Variants in KCNIP1 observed in about 807,000 individuals in gnomAD.
KCNIP1 encodes potassium voltage-gated channel interacting protein 1, also known as A-type potassium channel modulatory protein KCNIP1.
In KCNIP1, 18 loss-of-function variants were observed where a neutral mutation model predicts 33.0. The observed-to-expected ratio is 0.55, with a 90% CI of 0.38 to 0.81. The LOEUF (loss-of-function observed/expected upper bound fraction) is 0.81. Among genes scored for constraint, KCNIP1 ranks in the 30% least tolerant of loss-of-function variants. The pLI is 0.00. For synonymous variants in KCNIP1, 93 were observed against 98.3 expected (o/e 0.95, Z 0.32); for missense variants, 238 against 271.6 (o/e 0.88, Z 0.87).
intron 1 of KCNIP1, among the ~76,000 whole-genome samples, chr5:170,607,661 C>G (rs1159204714): frequency 6.6e-6 from 1 of 152,236 alleles, no homozygotes; most frequent in East Asian, 1.9e-4. Flanking sequence ...CCTGCCTCCT[C>G]AGTGGCTGTT....
intron 1 of KCNIP1, chr5:170,420,540 A>AT (rs1186113051): frequency 2.0e-5 from 3 of 151,880 alleles, no homozygotes; most frequent in African/African-American, 4.8e-5. Context: ...ACTCAAAAAA[A>AT]AAAAAAATAA....
intron 1 of KCNIP1, chr5:170,680,861 A>G (rs1430352954): frequency 2.6e-6 from 1 of 385,768 alleles, no homozygotes; most frequent in Non-Finnish European, 4.6e-6. Context: ...AAATATTACT[A>G]TGAAACATAG....
chr5:170,420,146 G>A (rs1013146935), intron 1 of KCNIP1, among the ~76,000 whole-genome samples: 2 of 152,108 alleles, frequency 1.3e-5, no homozygotes, highest in African/African-American at 4.8e-5. Flanking sequence ...ACCCAATACA[G>A]TTGAGGCTTG....
At chr5:170,363,553 T>C (rs1249999043) in intron 1 of KCNIP1, among the ~76,000 whole-genome samples, 1 of 152,316 alleles carries the variant, frequency 6.6e-6, no homozygotes, top group Non-Finnish European at 1.5e-5. Context: ...ACCTTAATCT[T>C]GGACTTTCAG....
At chr5:170,377,417 G>C (rs1764049311) in intron 1 of KCNIP1, 1 of 152,164 alleles carries the variant, frequency 6.6e-6, no homozygotes, top group African/African-American at 2.4e-5. Context: ...CCTGGAGTGG[G>C]AATGGTAAAG....
chr5:170,690,871 A>C (rs1251729775), intron 1 of KCNIP1, among the ~76,000 whole-genome samples: 1 of 152,252 alleles, frequency 6.6e-6, no homozygotes, highest in Non-Finnish European at 1.5e-5. Context: ...GATTGCTTTC[A>C]TCTGTTTTAC....
At chr5:170,479,428 C>G (rs529358527) in intron 1 of KCNIP1, among the ~76,000 whole-genome samples, 31 of 152,172 alleles carry the variant, frequency 2.0e-4, no homozygotes, top group Non-Finnish European at 4.4e-4. Context: ...AAAATTCACT[C>G]TTCTTACAAG....
chr5:170,449,587 A>C (rs931125221), intron 1 of KCNIP1, among the ~76,000 whole-genome samples: 1 of 152,182 alleles, frequency 6.6e-6, no homozygotes, highest in African/African-American at 2.4e-5. Context: ...CCTCACCTAT[A>C]ACCTAGGGCT....
Position 170,479,456 on chromosome 5 carries a change from A to T in KCNIP1, c.88+125492A>T, listed in dbSNP as rs184266516. 5.3e-5 allele frequency among the ~76,000 whole-genome samples: 8 copies of T among 152,352 alleles called. No homozygotes were observed. The East Asian group carries it at 1.2e-3, about 22-fold the overall frequency. On this transcript the variant is annotated intron_variant, in intron 1 of 7. Coordinates refer to the KCNIP1 transcript ENST00000377360. ...CTTACAAGGATAGAGAAAAGTGCCT[A>T]TCGATGCTTAATAACCCAACATATA...
intron 1 of KCNIP1, among the ~76,000 whole-genome samples, chr5:170,577,268 C>T (rs1027864360): frequency 1.3e-5 from 2 of 152,212 alleles, no homozygotes; most frequent in Non-Finnish European, 2.9e-5. Flanking sequence ...AATCTGTCCT[C>T]TCGGTTCTGA....
intron 1 of KCNIP1, among the ~76,000 whole-genome samples, chr5:170,547,394 G>C (rs913827340): frequency 1.3e-5 from 2 of 152,082 alleles, no homozygotes; most frequent in Non-Finnish European, 2.9e-5. Flanking sequence ...TTTAAGTTTA[G>C]GGGTACATGT....
intron 1 of KCNIP1, among the ~76,000 whole-genome samples, chr5:170,563,877 A>G (rs1187985571): frequency 6.6e-6 from 1 of 152,170 alleles, no homozygotes; most frequent in East Asian, 1.9e-4. Flanking sequence ...TGACCTTGTG[A>G]TCAGCCCGCC....
intron 1 of KCNIP1, among the ~76,000 whole-genome samples, chr5:170,688,417 T>A (rs1762613326): frequency 6.6e-6 from 1 of 152,228 alleles, no homozygotes; most frequent in Admixed American, 6.5e-5. Context: ...TATATCAATC[T>A]CCATTCCACT....
rs3841539 is a variant in KCNIP1 at position 170,734,198 on chromosome 5, T to TC, written c.603+300_603+301insC. ...CCGAGAGGGCAACACCATTATTTTT[T>TC]AGCCTGCCTCTGGCTTGATGACCCA... On this transcript the variant is annotated intron_variant, in intron 7 of 7. Coordinates refer to ENST00000328939, the MANE Select transcript of KCNIP1 (RefSeq NM_014592.4). 2.0e-3 allele frequency among the ~76,000 whole-genome samples: 308 copies of TC among 151,920 alleles called. 3 individuals are homozygous for TC. The East Asian group carries it at 0.033, about 16-fold the overall frequency.
intron 1 of KCNIP1, among the ~76,000 whole-genome samples, chr5:170,598,108 GC>G (rs1197097174): frequency 1.3e-5 from 2 of 152,140 alleles, no homozygotes; most frequent in Non-Finnish European, 2.9e-5. Context: ...GCTGTCTCTA[GC>G]CCTTCAATCA....
chr5:170,674,129 GAGGAAGGAAGGAAGGAAGGAAGGAAGGA>G lies in KCNIP1; in HGVS notation c.62-44601_62-44574del, dbSNP rs1160032180. 4.0e-5 allele frequency among the ~76,000 whole-genome samples: 3 copies of G among 75,012 alleles called. No individual in the cohort carries two copies. In the East Asian group the frequency reaches 1.1e-3, roughly 29 times the overall value. The allele number at this position is 75,012 out of a possible 152,430, so 49.2% of individuals were successfully genotyped here. Reference sequence around the variant, plus strand: ...AATTTATTCCCAAGAGGAAAGCAATGAGGAAGGAAGGAAGGAAGGAAGGAAGGAAGGAAGGAAGGAAGGAAGGAAGGAA... The same window carrying G: ...AATTTATTCCCAAGAGGAAAGCAATGAGGAAGGAAGGAAGGAAGGAAGGAA... On this transcript the variant is annotated intron_variant, in intron 1 of 7. Coordinates refer to ENST00000328939, the MANE Select transcript of KCNIP1 (RefSeq NM_014592.4).
At chr5:170,457,275 T>C (rs1313310652) in intron 1 of KCNIP1, among the ~76,000 whole-genome samples, 1 of 152,086 alleles carries the variant, frequency 6.6e-6, no homozygotes, top group African/African-American at 2.4e-5. Context: ...AAAAAGATTA[T>C]TAAACTGAGA....
intron 1 of KCNIP1, among the ~76,000 whole-genome samples, chr5:170,575,363 A>C (rs1757563803): frequency 6.6e-6 from 1 of 152,242 alleles, no homozygotes; most frequent in Non-Finnish European, 1.5e-5. Context: ...CTTAAGTTTA[A>C]GCAGGAAAAA....
intron 1 of KCNIP1, among the ~76,000 whole-genome samples, chr5:170,584,239 G>C (rs1330230352): frequency 6.6e-6 from 1 of 152,234 alleles, no homozygotes; most frequent in Non-Finnish European, 1.5e-5. Context: ...GCCATGCCAT[G>C]ATCCCCAGAC....
Sources: allele counts gnomAD v4.1 joint callset (sites outside exome capture counted in the v4.1 genomes callset), GRCh38; gene constraint gnomAD v4.1.1; transcripts MANE v1.5; gene names NCBI Gene and HGNC (gene_info 2026-07-23, HGNC 2026-07-21).